KDM4C: variants seen among roughly 807,000 people sequenced by gnomAD.
The protein encoded by KDM4C is lysine demethylase 4C, also known as lysine-specific demethylase 4C.
A neutral mutation model predicts 129.3 loss-of-function variants in KDM4C; 81 were observed. That is an observed-to-expected ratio of 0.63 (90% CI 0.52 to 0.75). The LOEUF (loss-of-function observed/expected upper bound fraction) is 0.75, where lower values mean the gene tolerates loss of function less well. KDM4C is among the 30% of genes least tolerant of loss of function. KDM4C has a pLI of 0.00. For synonymous variants in KDM4C, 573 were observed against 456.1 expected (o/e 1.26, Z -3.26); for missense variants, 1,457 against 1,304.0 (o/e 1.12, Z -1.81).
chr9:7,009,875 A>G (rs1170632658), intron 12 of KDM4C, among the ~76,000 whole-genome samples: 2 of 152,214 alleles, frequency 1.3e-5, no homozygotes, highest in Non-Finnish European at 2.9e-5. Flanking sequence ...CATTTCTCAT[A>G]GACTCAGAAC....
intron 6 of KDM4C, 112 bp downstream of exon 6, chr9:6,880,173 A>AT (rs1380109315): frequency 9.4e-6 from 5 of 531,918 alleles, no homozygotes; most frequent in African/African-American, 2.0e-5. Flanking sequence ...TGTTGGTTTT[A>AT]TTCTATTCAA....
rs185544125 is a variant in KDM4C at position 7,022,996 on chromosome 9, C to T, written c.2259+7067C>T. ...TCATCCTTGCATTCCTGGGATAAAT[C>T]CCACTTGGTCATGATGAATGATCTT... is the stretch of plus-strand genomic sequence containing the variant. On this transcript the variant is annotated intron_variant, in intron 15 of 21. Coordinates refer to ENST00000381309, the MANE Select transcript of KDM4C (RefSeq NM_015061.6). Among the ~76,000 whole-genome samples, 21 of 152,256 alleles carry T rather than the reference C, an allele frequency of 1.4e-4. No individual in the cohort carries two copies. The South Asian group carries it at 4.4e-3, about 32-fold the overall frequency.
At chr9:6,844,371 G>T (rs1388415611) in intron 4 of KDM4C, among the ~76,000 whole-genome samples, 1 of 152,114 alleles carries the variant, frequency 6.6e-6, no homozygotes, top group Non-Finnish European at 1.5e-5. Context: ...CACACCCCGG[G>T]TTCTGAAGTG....
At chr9:6,876,098 A>G (rs1843508509) in intron 5 of KDM4C, among the ~76,000 whole-genome samples, 1 of 152,114 alleles carries the variant, frequency 6.6e-6, no homozygotes, top group Non-Finnish European at 1.5e-5. Flanking sequence ...GGTTCTTTCA[A>G]ATTGTAATCA....
chr9:6,836,176 G>T (rs1421754720), intron 4 of KDM4C, among the ~76,000 whole-genome samples: 1 of 152,156 alleles, frequency 6.6e-6, no homozygotes, highest in Non-Finnish European at 1.5e-5. Context: ...AAATCACTGG[G>T]TGTGGTGGCT....
Position 6,831,681 on chromosome 9 carries a change from C to T in KDM4C, c.435+16936C>T, listed in dbSNP as rs113385312. Reference sequence around the variant, plus strand: ...TACCCTCATGTTTTCCTGGTAGATGCCTGAGCCTAATAATCATGTCTGAAT... The same window carrying T: ...TACCCTCATGTTTTCCTGGTAGATGTCTGAGCCTAATAATCATGTCTGAAT... On this transcript the variant is annotated intron_variant, in intron 4 of 21. Coordinates refer to ENST00000381309, the MANE Select transcript of KDM4C (RefSeq NM_015061.6). Among the ~76,000 whole-genome samples the T allele has an allele frequency of 4.2e-3, 639 of 152,182 alleles. 7 individuals carry two copies. Among genetic ancestry groups the T allele is most frequent in the African/African-American group, 0.014 (563 of 41,524 alleles).
At chr9:6,736,320 C>T (rs1430372129) in intron 1 of KDM4C, among the ~76,000 whole-genome samples, 2 of 152,114 alleles carry the variant, frequency 1.3e-5, no homozygotes, top group Non-Finnish European at 2.9e-5. Flanking sequence ...GAATGTTAAT[C>T]CCCAAGACAA....
At chr9:7,163,529 CAGG>C in intron 19 of KDM4C, among the ~76,000 whole-genome samples, 1 of 152,278 alleles carries the variant, frequency 6.6e-6, no homozygotes, top group Admixed American at 6.5e-5. Context: ...TCTTTAGCAG[CAGG>C]AGAAGCATAT....
At position 7,118,421 on chromosome 9, in the gene KDM4C, T is replaced by C. The variant is rs114670814; in HGVS notation, c.2611-9645T>C. ...GCAGAGGATTTTTACCTAGCTCTTG[T>C]AATTTACAAAGAAAGCTTTCACTAT... On this transcript the variant is annotated intron_variant, in intron 18 of 21. Transcript: ENST00000381309. 1.7e-3 allele frequency among the ~76,000 whole-genome samples: 253 copies of C among 152,330 alleles called. 2 individuals are homozygous for C. The highest frequency in any genetic ancestry group is 7.3e-3 in the Admixed American group (111 of 15,292).
At chr9:7,055,252 C>T (rs1830715070) in intron 17 of KDM4C, among the ~76,000 whole-genome samples, 1 of 152,210 alleles carries the variant, frequency 6.6e-6, no homozygotes, top group African/African-American at 2.4e-5. Flanking sequence ...TGGTGTAGCA[C>T]AGTGCCTTTG....
chr9:7,097,428 T>C (rs1836570139), intron 17 of KDM4C, among the ~76,000 whole-genome samples: 1 of 152,248 alleles, frequency 6.6e-6, no homozygotes, highest in Non-Finnish European at 1.5e-5. Context: ...TCGGTAACTC[T>C]TGGCCTTCAG....
chr9:7,076,375 A>G (rs536402002), intron 17 of KDM4C: 51 of 1,210,532 alleles, frequency 4.2e-5, no homozygotes, highest in African/African-American at 7.5e-5. Flanking sequence ...TGCTATTTTC[A>G]CTATAATTTA....
chr9:7,007,898 A>G (rs1821975371), intron 12 of KDM4C, among the ~76,000 whole-genome samples: 1 of 152,244 alleles, frequency 6.6e-6, no homozygotes, highest in East Asian at 1.9e-4. Context: ...ATAAAAAATA[A>G]TTAGAAACAT....
intron 4 of KDM4C, among the ~76,000 whole-genome samples, chr9:6,838,242 C>G (rs1001838260): frequency 1.3e-5 from 2 of 152,156 alleles, no homozygotes; most frequent in African/African-American, 4.8e-5. Context: ...AATAAGACAA[C>G]TCAATATTAG....
chr9:7,154,504 G>A (rs1842980179), intron 19 of KDM4C, among the ~76,000 whole-genome samples: 1 of 152,212 alleles, frequency 6.6e-6, no homozygotes. Context: ...GAGGACAGCA[G>A]CTTCTAGGGA....
At chr9:7,158,799 G>C (rs918940030) in intron 19 of KDM4C, among the ~76,000 whole-genome samples, 3 of 152,174 alleles carry the variant, frequency 2.0e-5, no homozygotes, top group African/African-American at 7.2e-5. Flanking sequence ...ATGTGGTGTT[G>C]GGAAGAGTGT....
At chr9:6,943,999 C>T (rs367907255) in intron 8 of KDM4C, among the ~76,000 whole-genome samples, 1 of 152,098 alleles carries the variant, frequency 6.6e-6, no homozygotes, top group Non-Finnish European at 1.5e-5. Context: ...TCAGTCATGT[C>T]GGGCCTATTT....
At chr9:6,822,536 A>G (rs1833201703) in intron 4 of KDM4C, among the ~76,000 whole-genome samples, 2 of 152,214 alleles carry the variant, frequency 1.3e-5, no homozygotes, top group South Asian at 4.1e-4. Flanking sequence ...GTCCTGAGTA[A>G]GTCCTAGATG....
intron 1 of KDM4C, among the ~76,000 whole-genome samples, chr9:6,787,299 C>G (rs928402531): frequency 1.3e-5 from 2 of 152,224 alleles, no homozygotes; most frequent in Non-Finnish European, 2.9e-5. Flanking sequence ...GTGGCACCGT[C>G]TTGGCTCACT....
Sources: allele counts gnomAD v4.1 joint callset (sites outside exome capture counted in the v4.1 genomes callset), GRCh38; gene constraint gnomAD v4.1.1; transcripts MANE v1.5; gene names NCBI Gene and HGNC (gene_info 2026-07-23, HGNC 2026-07-21).